The following KCNMA1 variants were observed in gnomAD, a reference collection of about 807,000 sequenced individuals.
KCNMA1 encodes Calcium-activated potassium channel subunit alpha-1.
A neutral mutation model predicts 140.0 loss-of-function variants in KCNMA1; 29 were observed. The ratio of observed to expected loss-of-function variants is 0.21; its 90% CI spans 0.15 to 0.28. KCNMA1 has a LOEUF of 0.28. Among genes scored for constraint, KCNMA1 ranks in the 10% least tolerant of loss-of-function variants. The pLI, the probability that KCNMA1 is intolerant of heterozygous loss-of-function variation, is 1.00. For missense variants in KCNMA1, 880 were observed against 1,602.2 expected, an observed-to-expected ratio of 0.55 and a Z score of 7.70; for synonymous variants, 612 against 611.9, an observed-to-expected ratio of 1.00 and a Z score of 0.00.
intron 3 of KCNMA1, among the ~76,000 whole-genome samples, chr10:77,213,090 G>A (rs187352316): frequency 1.3e-5 from 2 of 151,672 alleles, no homozygotes; most frequent in African/African-American, 4.8e-5. Flanking sequence ...TTACATAATC[G>A]GTGAAAGACT....
At chr10:76,884,073 C>G, downstream of KCNMA1, 1 of 682,438 alleles carries the variant, frequency 1.5e-6, no homozygotes, top group Non-Finnish European at 1.8e-6. Flanking sequence ...ATTCCATTCC[C>G]ATCACAATAT....
chr10:76,915,341 G>A (rs2152439263), intron 23 of KCNMA1, among the ~76,000 whole-genome samples: 1 of 152,194 alleles, frequency 6.6e-6, no homozygotes, highest in East Asian at 1.9e-4. Flanking sequence ...AGGGACACAG[G>A]AGAATTATCC....
chr10:77,473,810 A>G (rs906875184), intron 1 of KCNMA1, among the ~76,000 whole-genome samples: 1 of 152,232 alleles, frequency 6.6e-6, no homozygotes, highest in African/African-American at 2.4e-5. Flanking sequence ...AGATTCCCAG[A>G]GTCCTGATCC....
At chr10:77,578,643 T>A (rs895237467) in intron 1 of KCNMA1, among the ~76,000 whole-genome samples, 8 of 152,048 alleles carry the variant, frequency 5.3e-5, no homozygotes, top group African/African-American at 1.9e-4. Flanking sequence ...AAGAAAGAGA[T>A]CTCATCTTCC....
intron 15 of KCNMA1, among the ~76,000 whole-genome samples, chr10:77,038,603 A>T (rs1489422262): frequency 6.6e-6 from 1 of 152,126 alleles, no homozygotes; most frequent in Admixed American, 6.5e-5. Flanking sequence ...GCAGTTGCGT[A>T]ATCAACCTCC....
At chr10:77,313,352 C>T (rs902223115) in intron 2 of KCNMA1, among the ~76,000 whole-genome samples, 1 of 152,126 alleles carries the variant, frequency 6.6e-6, no homozygotes, top group Non-Finnish European at 1.5e-5. Flanking sequence ...CTCCTGATGC[C>T]GGTAAGAGGA....
In KCNMA1 at chr10:77,634,090, T is replaced by C. The variant is rs942948283; in HGVS notation, c.378+3175A>G. ...CCCACATTTTATACACAAGGAAAGA[T>C]AGACACCAGAGAGGTTAAATAACTT... On this transcript the variant is annotated intron_variant, in intron 1 of 27. Transcript: ENST00000286628. 5 of 899,418 alleles carry C rather than the reference T, an allele frequency of 5.6e-6. No homozygotes were observed. In the African/African-American group the frequency reaches 9.0e-5, roughly 16 times the overall value. 55.7% of individuals were successfully genotyped at this position (899,418 alleles called of 1,614,324 possible).
chr10:76,938,848 C>T (rs1266760436), intron 23 of KCNMA1, among the ~76,000 whole-genome samples: 2 of 152,150 alleles, frequency 1.3e-5, no homozygotes, highest in Non-Finnish European at 2.9e-5. Flanking sequence ...AGCCAGCTCA[C>T]TTTGCCTCCA....
chr10:77,295,995 A>G (rs534722577), intron 2 of KCNMA1, among the ~76,000 whole-genome samples: 5 of 152,266 alleles, frequency 3.3e-5, no homozygotes, highest in Non-Finnish European at 5.9e-5. Context: ...GCTCTGGTAA[A>G]TAAACCGAGA....
chr10:76,969,924 G>T, intron 20 of KCNMA1, 50 bp downstream of exon 20: 2 of 1,429,700 alleles, frequency 1.4e-6, no homozygotes, highest in Non-Finnish European at 2.0e-6. Context: ...GCGAGGGGAG[G>T]AAGAGAAGGG....
In KCNMA1 at chr10:77,048,508, T is replaced by C. The variant is rs1018547322; in HGVS notation, c.1750-8871A>G. Among the ~76,000 whole-genome samples, 2 of 152,192 alleles carry C rather than the reference T, an allele frequency of 1.3e-5. 1 individual carries two copies. Among genetic ancestry groups the C allele is most frequent in the Middle Eastern group, 6.3e-3 (2 of 316 alleles). On this transcript the variant is annotated intron_variant, in intron 14 of 27. Coordinates refer to ENST00000286628, the MANE Select transcript of KCNMA1 (RefSeq NM_001161352.2). ...ACAAAGGAGAATGGGGAGGGGATTCTGTGGTGGCCCCTACTAGAATGTGGG... is the reference window on the plus strand; with the variant it reads ...ACAAAGGAGAATGGGGAGGGGATTCCGTGGTGGCCCCTACTAGAATGTGGG...
rs555340980 is a variant in KCNMA1, at chr10:77,617,029, G to A, written c.378+20236C>T. On this transcript the variant is annotated intron_variant, in intron 1 of 27. Coordinates refer to ENST00000286628, the MANE Select transcript of KCNMA1 (RefSeq NM_001161352.2). ...CACTGAACTATCTAGAATGAGAGAC[G>A]TTGCTCATTGAGACATTACAATTCT... Among the ~76,000 whole-genome samples, 6 of 152,270 alleles carry A rather than the reference G, an allele frequency of 3.9e-5. No individual in the cohort carries two copies. The East Asian group carries it at 7.7e-4, about 20-fold the overall frequency.
At chr10:77,546,325 TCA>T (rs2061448084) in intron 1 of KCNMA1, among the ~76,000 whole-genome samples, 1 of 151,178 alleles carries the variant, frequency 6.6e-6, no homozygotes, top group Non-Finnish European at 1.5e-5. Flanking sequence ...TCCCACTAGT[TCA>T]CAGTGTGCTA....
chr10:77,066,105 T>C (rs1565878115), intron 14 of KCNMA1, among the ~76,000 whole-genome samples: 3 of 152,310 alleles, frequency 2.0e-5, no homozygotes, highest in Middle Eastern at 3.4e-3. Context: ...GAGAGACTTA[T>C]GCAGAAGAGT....
At chr10:77,394,310 A>T (rs922261439) in intron 2 of KCNMA1, among the ~76,000 whole-genome samples, 2 of 152,190 alleles carry the variant, frequency 1.3e-5, no homozygotes, top group Non-Finnish European at 2.9e-5. Context: ...AGAGGAGCCA[A>T]CACACCAGCT....
At chr10:77,007,671 A>ATATATATATATATATATG (rs1565504676) in intron 18 of KCNMA1, among the ~76,000 whole-genome samples, 1 of 141,374 alleles carries the variant, frequency 7.1e-6, no homozygotes, top group African/African-American at 2.6e-5. Flanking sequence ...ATATATATAT[A>ATATATATATATATATATG]TATATGTATC....
intron 2 of KCNMA1, among the ~76,000 whole-genome samples, chr10:77,260,727 CA>C (rs1274280758): frequency 6.6e-6 from 1 of 151,824 alleles, no homozygotes; most frequent in African/African-American, 2.4e-5. Flanking sequence ...AACAAACAAA[CA>C]AAAAACAAAC....
rs56706119 is a variant in KCNMA1, at chr10:77,572,569, C to CATATATATATATATATATATATATAT, written c.378+64670_378+64695dup. ...TGTCGCTCCAAAAAAAAAAAAAATC[C>CATATATATATATATATATATATATAT]ATATATATATATATATATATATATA... is the stretch of plus-strand genomic sequence containing the variant. On this transcript the variant is annotated intron_variant, in intron 1 of 27. Transcript: ENST00000286628. Among the ~76,000 whole-genome samples, 62 of 37,538 alleles carry CATATATATATATATATATATATATAT rather than the reference C, an allele frequency of 1.7e-3. 1 individual carries two copies. The highest frequency in any genetic ancestry group is 2.2e-3 in the Non-Finnish European group (46 of 21,032). The allele number at this position is 37,538 out of a possible 152,430, so 24.6% of individuals were successfully genotyped here.
At chr10:77,272,293 T>TTGAA (rs1211901322) in intron 2 of KCNMA1, among the ~76,000 whole-genome samples, 2 of 152,182 alleles carry the variant, frequency 1.3e-5, no homozygotes, top group Non-Finnish European at 2.9e-5. Flanking sequence ...TATACAATTG[T>TTGAA]TGAATGAATG....
Sources: gnomAD v4.1 joint callset for allele counts (sites outside exome capture counted in the v4.1 genomes callset) on GRCh38, gnomAD v4.1.1 for gene constraint, MANE v1.5 for transcripts, NCBI Gene and HGNC (gene_info 2026-07-23, HGNC 2026-07-21) for gene names.